PRDM10: variants seen among roughly 807,000 people sequenced by gnomAD.
PRDM10 encodes PR domain zinc finger protein 10.
In PRDM10, 65 loss-of-function variants were observed where a neutral mutation model predicts 133.1. The ratio of observed to expected loss-of-function variants is 0.49; its 90% CI spans 0.40 to 0.60. The LOEUF (loss-of-function observed/expected upper bound fraction) is 0.60. PRDM10 is among the 20% of genes least tolerant of loss of function. The probability of loss-of-function intolerance (pLI) is 0.00; values close to 1 mark genes in which losing one functional copy is unlikely to be tolerated. For missense variants in PRDM10, 1,137 were observed against 1,507.1 expected (o/e 0.75, Z 4.07); for synonymous variants, 582 against 580.4 (o/e 1.00, Z -0.04).
rs144478678 is a variant in PRDM10, at chr11:129,921,092, C to T, written c.2034+2156G>A. Among the ~76,000 whole-genome samples the T allele has an allele frequency of 1.3e-3, 202 of 152,310 alleles. 3 individuals are homozygous for T. The East Asian group carries it at 0.035, about 26-fold the overall frequency. On this transcript the variant is annotated intron_variant, in intron 13 of 20. Coordinates refer to ENST00000360871, the MANE Select transcript of PRDM10 (RefSeq NM_199437.2). ...GATTACAGGCGTGAGCCACCGCACC[C>T]GGCCACTTTATTCTTTTCTCTATTC...
intron 1 of PRDM10, among the ~76,000 whole-genome samples, chr11:129,996,822 T>C (rs1049629567): frequency 5.9e-5 from 9 of 152,050 alleles, no homozygotes; most frequent in Non-Finnish European, 1.2e-4. Context: ...GCTTTGTTAT[T>C]GAGCCATTTA....
At chr11:129,904,828 G>A (rs765571114) in intron 20 of PRDM10, among the ~76,000 whole-genome samples, 2 of 152,048 alleles carry the variant, frequency 1.3e-5, no homozygotes, top group Non-Finnish European at 2.9e-5. Flanking sequence ...TCACATGTAT[G>A]TACTCTGTCT....
At chr11:129,965,340 A>G (rs1354233260) in intron 1 of PRDM10, among the ~76,000 whole-genome samples, 3 of 152,154 alleles carry the variant, frequency 2.0e-5, no homozygotes, top group Non-Finnish European at 4.4e-5. Context: ...ATTTTCCTTT[A>G]TTAATTTTCT....
intron 1 of PRDM10, among the ~76,000 whole-genome samples, chr11:129,996,935 G>T (rs528262600): frequency 6.6e-6 from 1 of 152,244 alleles, no homozygotes; most frequent in South Asian, 2.1e-4. Flanking sequence ...TGAAAGAGTT[G>T]ATAAGAAAAC....
chr11:129,995,652 G>C (rs529068041), intron 1 of PRDM10, among the ~76,000 whole-genome samples: 14 of 151,812 alleles, frequency 9.2e-5, no homozygotes, highest in Non-Finnish European at 1.8e-4. Context: ...GAAAAAAAAA[G>C]GCGGGGGAGA....
At chr11:129,977,297 C>CACAT (rs1555113163) in intron 1 of PRDM10, among the ~76,000 whole-genome samples, 51 of 147,648 alleles carry the variant, frequency 3.5e-4, no homozygotes, top group East Asian at 3.4e-3. Context: ...CACACACACA[C>CACAT]ACATTGAGAT....
chr11:129,957,722 A>G (rs777221672), intron 3 of PRDM10, 24 bp downstream of exon 3: 2 of 1,591,772 alleles, frequency 1.3e-6, no homozygotes, highest in East Asian at 2.2e-5. Context: ...TTGACAAATT[A>G]TCAACAGATA....
chr11:129,921,710 C>T (rs1314110432), intron 13 of PRDM10, among the ~76,000 whole-genome samples: 1 of 152,140 alleles, frequency 6.6e-6, no homozygotes, highest in South Asian at 2.1e-4. Flanking sequence ...AGCATGGTTC[C>T]GAGTTGGGGT....
At chr11:130,002,216 A>AACC (rs1361591191) in intron 1 of PRDM10, among the ~76,000 whole-genome samples, 1 of 147,958 alleles carries the variant, frequency 6.8e-6, no homozygotes, top group African/African-American at 2.4e-5. Flanking sequence ...GCGCCCGCGC[A>AACC]ACCGCCGCCG....
chr11:129,958,031 T>A, intron 2 of PRDM10, 121 bp from the exon 3 acceptor site: 1 of 1,133,210 alleles, frequency 8.8e-7, no homozygotes, highest in Non-Finnish European at 1.2e-6. Flanking sequence ...CACCTTTGTC[T>A]ACACCGAGGT....
intron 1 of PRDM10, among the ~76,000 whole-genome samples, chr11:129,982,972 T>C (rs1938196421): frequency 6.6e-6 from 1 of 151,974 alleles, no homozygotes; most frequent in Non-Finnish European, 1.5e-5. Context: ...AATAAAAGTC[T>C]TTAAAAAATT....
chr11:129,956,975 T>C (rs1452550560), intron 3 of PRDM10, among the ~76,000 whole-genome samples: 1 of 152,240 alleles, frequency 6.6e-6, no homozygotes, highest in Non-Finnish European at 1.5e-5. Context: ...GAAGCTATAC[T>C]GCAAGTCACT....
At position 129,923,203 on chromosome 11, in the gene PRDM10, C is replaced by A; in HGVS notation, c.2034+45G>T. The A allele has an allele frequency of 6.6e-7, 1 of 1,512,938 alleles. No individual in the cohort carries two copies. 93.7% of individuals were successfully genotyped at this position (1,512,938 alleles called of 1,614,324 possible). On this transcript the variant is annotated intron_variant, in intron 13 of 20. Transcript: ENST00000360871. The surrounding 1 kb of genome is among the most constrained non-coding windows in gnomAD (Gnocchi z 4.4). ...CATTTACCCTCAGCTTGCTATAATT[C>A]CAGTGGCCACGAGAACCACCTTGGG...
Position 129,902,424 on chromosome 11 carries a change from G to A in PRDM10, c.3360C>T (p.His1120=). Residue 1120 remains histidine, a synonymous_variant, in exon 21 of 21, where the codon CAC becomes CAT. Transcript: ENST00000360871. ...SGGVQVEPPA[H]SDSLDPQTNS... is the part of the protein sequence containing the mutation. ...TGGTCTGGGGGTCCAGGGAGTCACT[G>A]TGTGCAGGTGGCTCGACCTGGACTC... The A allele has an allele frequency of 6.2e-7, 1 of 1,614,202 alleles. No individual in the cohort carries two copies.
At chr11:129,926,112 C>A (rs958933777) in intron 11 of PRDM10, among the ~76,000 whole-genome samples, 8 of 152,218 alleles carry the variant, frequency 5.3e-5, no homozygotes, top group Admixed American at 1.3e-4. Flanking sequence ...CCTGCCTCGA[C>A]CAGGCAATTC....
chr11:129,937,748 T>G, intron 7 of PRDM10, 78 bp from the exon 8 acceptor site: 1 of 1,318,136 alleles, frequency 7.6e-7, no homozygotes, highest in Non-Finnish European at 1.1e-6. Context: ...TTTCTCCTGC[T>G]TACAGGAAAC....
intron 1 of PRDM10, among the ~76,000 whole-genome samples, chr11:129,975,544 C>A (rs887850732): frequency 3.9e-5 from 6 of 152,172 alleles, no homozygotes; most frequent in African/African-American, 1.4e-4. Context: ...GTAGTAATGA[C>A]CATCCCACTC....
intron 1 of PRDM10, among the ~76,000 whole-genome samples, chr11:129,962,249 T>A (rs1170658022): frequency 6.6e-6 from 1 of 152,194 alleles, no homozygotes. Flanking sequence ...TGTTGGTATT[T>A]TAAAAGTCCA....
rs1289472093 is a variant in PRDM10, at chr11:129,923,112, A to G, written c.2034+136T>C. ...TTAATTTTATAACTAAGTCAAACAC[A>G]AGGCCCAAAGAGTATCTCAGGTCCA... is the stretch of plus-strand genomic sequence containing the variant. On this transcript the variant is annotated intron_variant, in intron 13 of 20. Transcript: ENST00000360871. This position sits in a 1 kb window ranked among gnomAD's most constrained non-coding sequence, Gnocchi z 4.4. The G allele has an allele frequency of 9.5e-7, 1 of 1,052,338 alleles. No individual in the cohort carries two copies. The highest frequency in any genetic ancestry group is 1.3e-6 in the Non-Finnish European group (1 of 778,236). 65.2% of individuals were successfully genotyped at this position (1,052,338 alleles called of 1,614,324 possible). A position where few individuals can be genotyped will look rare whatever the true frequency, so the allele number is the denominator to read the frequency against.
Sources: allele counts gnomAD v4.1 joint callset (sites outside exome capture counted in the v4.1 genomes callset), GRCh38; gene constraint gnomAD v4.1.1; non-coding constraint Gnocchi (gnomAD v3.1); transcripts MANE v1.5; gene names NCBI Gene and HGNC (gene_info 2026-07-23, HGNC 2026-07-21).